Variants in INO80 observed in about 807,000 individuals in gnomAD.
INO80 encodes the protein INO80 complex ATPase subunit.
Under a neutral mutation model 203.4 loss-of-function variants are expected in INO80, and 20 were observed. That is an observed-to-expected ratio of 0.10 (90% CI 0.07 to 0.14). The LOEUF is 0.14. INO80 is among the 10% of genes least tolerant of loss of function. The pLI is 1.00. For synonymous variants in INO80, 726 were observed against 685.2 expected (o/e 1.06, Z -0.93); for missense variants, 1,419 against 1,914.4 (o/e 0.74, Z 4.83).
intron 19 of INO80, among the ~76,000 whole-genome samples, chr15:41,052,003 G>C (rs1261359753): frequency 1.3e-5 from 2 of 152,014 alleles, no homozygotes; most frequent in African/African-American, 2.4e-5. Flanking sequence ...GCCAGGCATG[G>C]TGGTGTGCAC....
At chr15:41,053,876 A>C in intron 19 of INO80, 53 bp downstream of exon 19, 2 of 1,344,564 alleles carry the variant, frequency 1.5e-6, no homozygotes, top group Non-Finnish European at 2.1e-6. Context: ...TCCCCCTGGA[A>C]TCTTAAGTTG....
chr15:41,073,854 G>T (rs1159599555), intron 10 of INO80, among the ~76,000 whole-genome samples: 1 of 152,078 alleles, frequency 6.6e-6, no homozygotes, highest in Non-Finnish European at 1.5e-5. Context: ...GAGAAATACA[G>T]ACATATTTAA....
At chr15:41,088,086 TC>T (rs367924250) in intron 5 of INO80, among the ~76,000 whole-genome samples, 15 of 145,384 alleles carry the variant, frequency 1.0e-4, no homozygotes, top group Non-Finnish European at 1.8e-4. Context: ...TGCTTGCTTT[TC>T]TTTTTTTTTT....
chr15:41,073,298 C>A (rs2045353461), intron 11 of INO80, 130 bp downstream of exon 11: 1 of 760,180 alleles, frequency 1.3e-6, no homozygotes. Flanking sequence ...GCTACTCACA[C>A]ACATATACAC....
At chr15:41,100,062 C>T (rs998419958) in intron 1 of INO80, among the ~76,000 whole-genome samples, 9 of 151,842 alleles carry the variant, frequency 5.9e-5, no homozygotes, top group African/African-American at 1.9e-4. Flanking sequence ...CGGAGTGATT[C>T]GAAATGAATG....
intron 35 of INO80, among the ~76,000 whole-genome samples, chr15:40,981,877 G>A (rs886737158): frequency 5.3e-5 from 8 of 152,182 alleles, no homozygotes; most frequent in Admixed American, 5.2e-4. Flanking sequence ...AACCTAAGCT[G>A]CTCAGTGACC....
At chr15:41,109,931 C>CAAA (rs578187934) in intron 1 of INO80, among the ~76,000 whole-genome samples, 1 of 122,758 alleles carries the variant, frequency 8.1e-6, no homozygotes, top group Non-Finnish European at 1.8e-5. Context: ...GACTCCACCT[C>CAAA]AAAAAAAAAA....
chr15:41,113,119 T>C (rs149349080), intron 1 of INO80, among the ~76,000 whole-genome samples: 5,082 of 152,150 alleles, frequency 0.033, 120 homozygotes, highest in Non-Finnish European at 0.051. Flanking sequence ...TTTTGCCATG[T>C]TGCCCATGCT....
At chr15:41,071,720 C>CA (rs2045320675) in intron 12 of INO80, 129 bp downstream of exon 12, 2 of 777,228 alleles carry the variant, frequency 2.6e-6, no homozygotes, top group Admixed American at 2.5e-5. Context: ...CTTGGCCTCC[C>CA]AAAGTGCTGG....
chr15:41,099,223 G>T (rs2045768390), intron 1 of INO80, among the ~76,000 whole-genome samples: 1 of 98,636 alleles, frequency 1.0e-5, no homozygotes, highest in South Asian at 3.9e-4. Flanking sequence ...CCAGCCTGGA[G>T]TAAGACCCTG....
rs562411167 is a variant in INO80, at chr15:40,988,885, C to T, written c.3571-911G>A. ...CAAAAATTAGCTGGGCGTGGCAGTG[C>T]GTGCCTGCAATCCCAGCTATCTGGG... On this transcript the variant is annotated intron_variant, in intron 29 of 35. Coordinates refer to ENST00000648947, the MANE Select transcript of INO80 (RefSeq NM_017553.3). Among the ~76,000 whole-genome samples, 12 of 152,134 alleles carry T rather than the reference C, an allele frequency of 7.9e-5. No homozygotes were observed. In the East Asian group the frequency reaches 2.0e-3, roughly 25 times the overall value.
intron 4 of INO80, among the ~76,000 whole-genome samples, 172 bp from the exon 5 acceptor site, chr15:41,092,354 T>C (rs1596322679): frequency 6.6e-6 from 1 of 152,306 alleles, no homozygotes; most frequent in Non-Finnish European, 1.5e-5. Flanking sequence ...AGAATACTAA[T>C]TAAACTTAGG....
Position 41,070,445 on chromosome 15 carries a change from TAGAA to T in INO80, c.1686+18_1686+21del. 5 of 1,594,500 alleles carry T rather than the reference TAGAA, an allele frequency of 3.1e-6. No homozygotes were observed. The highest frequency in any genetic ancestry group is 4.3e-6 in the Non-Finnish European group (5 of 1,162,384). On this transcript the variant is annotated intron_variant, in intron 13 of 35. Coordinates refer to ENST00000648947, the MANE Select transcript of INO80 (RefSeq NM_017553.3). ...ACCCTAAATTCTAGAGAAATGAAGATAGAAAGATTGCATCTACCCACCTCAGCCA... is the reference window on the plus strand; with the variant it reads ...ACCCTAAATTCTAGAGAAATGAAGATAGATTGCATCTACCCACCTCAGCCA...
intron 24 of INO80, among the ~76,000 whole-genome samples, chr15:41,031,587 AAGGGAGGGAGGG>A (rs1373973284): frequency 0.057 from 78 of 1,362 alleles, 10 homozygotes; most frequent in African/African-American, 0.082. Flanking sequence ...GGAAGGGAGG[AAGGGAGGGAGGG>A]AGGGAGGAAG....
chr15:41,053,809 C>A (rs2044930921), intron 19 of INO80, 120 bp downstream of exon 19: 2 of 632,362 alleles, frequency 3.2e-6, no homozygotes, highest in Admixed American at 2.9e-5. Flanking sequence ...TTGATCCATG[C>A]AAGTTTAAAC....
At chr15:41,060,557 G>GAA (rs79579916) in intron 14 of INO80, among the ~76,000 whole-genome samples, 3 of 135,604 alleles carry the variant, frequency 2.2e-5, no homozygotes, top group Non-Finnish European at 4.8e-5. Flanking sequence ...TTTGTCTCAG[G>GAA]AAAAAAAAAA....
chr15:41,071,753 G>A (rs367884634), intron 12 of INO80, 96 bp downstream of exon 12: 12 of 1,141,312 alleles, frequency 1.1e-5, no homozygotes, highest in South Asian at 7.1e-5. Context: ...GAGCCACCGC[G>A]CTCAGCCAGA....
chr15:40,984,090 A>C, intron 33 of INO80, 107 bp downstream of exon 33: 1 of 1,378,424 alleles, frequency 7.3e-7, no homozygotes, highest in South Asian at 1.3e-5. Flanking sequence ...TACTTCAACA[A>C]GGCTGGAGAA....
intron 24 of INO80, among the ~76,000 whole-genome samples, chr15:41,033,081 A>G (rs553534358): frequency 1.2e-3 from 187 of 152,236 alleles, no homozygotes; most frequent in African/African-American, 4.4e-3. Context: ...AGCACGTACT[A>G]TGCATAAGTA....
Sources: allele counts gnomAD v4.1 joint callset (sites outside exome capture counted in the v4.1 genomes callset), GRCh38; gene constraint gnomAD v4.1.1; transcripts MANE v1.5; gene names NCBI Gene and HGNC (gene_info 2026-07-23, HGNC 2026-07-21).